EPHB2: variants seen among roughly 807,000 people sequenced by gnomAD.
EPHB2 encodes the protein EPH receptor B2.
In EPHB2, 18 loss-of-function variants were observed where a neutral mutation model predicts 96.4. The observed-to-expected ratio is 0.19, with a 90% confidence interval of 0.13 to 0.28. The LOEUF (loss-of-function observed/expected upper bound fraction) is 0.28. Among genes scored for constraint, EPHB2 ranks in the 10% least tolerant of loss-of-function variants. The pLI is 1.00. For missense variants in EPHB2, 989 were observed against 1,355.4 expected (o/e 0.73, Z 4.25); for synonymous variants, 506 against 534.1 (o/e 0.95, Z 0.72).
intron 1 of EPHB2, among the ~76,000 whole-genome samples, chr1:22,765,731 G>A (rs1644299551): frequency 6.6e-6 from 1 of 151,936 alleles, no homozygotes; most frequent in Admixed American, 6.6e-5. Flanking sequence ...GGCTGCCTCA[G>A]TCTTTCCGTC....
At chr1:22,912,232 G>A (rs766587684) in intron 14 of EPHB2, among the ~76,000 whole-genome samples, 6 of 152,092 alleles carry the variant, frequency 3.9e-5, no homozygotes, top group East Asian at 1.9e-4. Context: ...ACTCACTCTC[G>A]CATGCTCACA....
chr1:22,839,535 G>A (rs1459590105), intron 3 of EPHB2, among the ~76,000 whole-genome samples: 1 of 152,208 alleles, frequency 6.6e-6, no homozygotes. Flanking sequence ...ACAAATCCCT[G>A]TGGGAATTTG....
At chr1:22,861,955 G>A (rs1260935949) in intron 3 of EPHB2, among the ~76,000 whole-genome samples, 1 of 152,204 alleles carries the variant, frequency 6.6e-6, no homozygotes, top group African/African-American at 2.4e-5. Flanking sequence ...ATCCCAAGGA[G>A]ATGAAATGTT....
At chr1:22,834,754 G>C (rs1340977899) in intron 3 of EPHB2, among the ~76,000 whole-genome samples, 2 of 151,554 alleles carry the variant, frequency 1.3e-5, no homozygotes, top group African/African-American at 4.9e-5. Flanking sequence ...GTGAAAGCCT[G>C]TCTCTACCAA....
At chr1:22,807,823 G>A (rs1332458869) in intron 3 of EPHB2, among the ~76,000 whole-genome samples, 2 of 152,200 alleles carry the variant, frequency 1.3e-5, no homozygotes, top group Non-Finnish European at 2.9e-5. Context: ...CTAGCCAAAG[G>A]CCAGGGGCAT....
intron 1 of EPHB2, among the ~76,000 whole-genome samples, chr1:22,755,436 A>T (rs1181255362): frequency 6.6e-6 from 1 of 152,198 alleles, no homozygotes; most frequent in Non-Finnish European, 1.5e-5. Context: ...CTGAGGTCTG[A>T]AGAAAGAAGC....
chr1:22,730,436 G>C lies in EPHB2; in HGVS notation c.61+19393G>C, dbSNP rs573704796. ...TGGACAAGTTGCAGGGGGCAGCATG[G>C]ATTGTCCTGCCCTATGGAGGTTTTA... On this transcript the variant is annotated intron_variant, in intron 1 of 15. Coordinates refer to ENST00000374630, the MANE Select transcript of EPHB2 (RefSeq NM_017449.5). Among the ~76,000 whole-genome samples, 334 of 152,342 alleles carry C rather than the reference G, an allele frequency of 2.2e-3. 2 individuals are homozygous for C. Among genetic ancestry groups the C allele is most frequent in the African/African-American group, 7.6e-3 (314 of 41,570 alleles).
chr1:22,758,688 G>C (rs939824889), intron 1 of EPHB2, among the ~76,000 whole-genome samples: 1 of 151,682 alleles, frequency 6.6e-6, no homozygotes, highest in Admixed American at 6.6e-5. Flanking sequence ...ACCTTTCTAG[G>C]CCTCAGTTTC....
rs1290553142 is a variant in EPHB2, at chr1:22,915,978, TC to T, written c.*2410del. The stretch of plus-strand genomic sequence containing the variant: ...AGCCCATCGTCTGTCACTCACCTGT[TC>T]CGGGAGCCTGAGCTGCAAAGGGAAG... On this transcript the variant is annotated 3_prime_UTR_variant, in exon 16 of 16. Transcript: ENST00000374630. 1.3e-5 allele frequency: 2 copies of T among 152,364 alleles called. No individual in the cohort carries two copies. Among genetic ancestry groups the T allele is most frequent in the African/African-American group, 2.4e-5 (1 of 41,440 alleles). The allele number at this position is 152,364 out of a possible 1,614,324, so 9.4% of individuals were successfully genotyped here. A position where few individuals can be genotyped will look rare whatever the true frequency, so the allele number is the denominator to read the frequency against.
chr1:22,873,215 C>T (rs1638729549), intron 5 of EPHB2, among the ~76,000 whole-genome samples: 1 of 152,206 alleles, frequency 6.6e-6, no homozygotes, highest in South Asian at 2.1e-4. Context: ...GAGGTGCATT[C>T]TTAGGTTTGT....
chr1:22,838,105 C>G (rs969441683), intron 3 of EPHB2, among the ~76,000 whole-genome samples: 4 of 152,096 alleles, frequency 2.6e-5, no homozygotes, highest in Non-Finnish European at 5.9e-5. Context: ...AAACAGAGCC[C>G]GGGGTTTGGC....
At chr1:22,883,181 G>A (rs574761784) in intron 6 of EPHB2, among the ~76,000 whole-genome samples, 3 of 152,332 alleles carry the variant, frequency 2.0e-5, no homozygotes, top group South Asian at 4.1e-4. Flanking sequence ...GACCCCTCGC[G>A]GGGAGCTATG....
At chr1:22,763,884 C>T (rs1557660054) in intron 1 of EPHB2, among the ~76,000 whole-genome samples, 1 of 152,114 alleles carries the variant, frequency 6.6e-6, no homozygotes, top group Non-Finnish European at 1.5e-5. Context: ...TACCTGCATC[C>T]CAGAGCTTGT....
chr1:22,887,209 G>A (rs1385686669), intron 6 of EPHB2, among the ~76,000 whole-genome samples: 1 of 152,102 alleles, frequency 6.6e-6, no homozygotes, highest in Non-Finnish European at 1.5e-5. Flanking sequence ...AGGGGTAGGA[G>A]CAGAACCAAG....
chr1:22,775,066 TCTCA>T, intron 1 of EPHB2: 1 of 690,384 alleles, frequency 1.4e-6, no homozygotes, highest in African/African-American at 1.8e-5. Flanking sequence ...CCCTTGCTAT[TCTCA>T]CACAGGCCCA....
intron 3 of EPHB2, among the ~76,000 whole-genome samples, chr1:22,856,803 C>G (rs1252342057): frequency 6.6e-6 from 1 of 152,150 alleles, no homozygotes; most frequent in East Asian, 1.9e-4. Context: ...TGGAAAGTAC[C>G]TAATGGAATT....
chr1:22,756,189 C>T (rs1644147118), intron 1 of EPHB2, among the ~76,000 whole-genome samples: 1 of 152,126 alleles, frequency 6.6e-6, no homozygotes, highest in African/African-American at 2.4e-5. Context: ...AAGAAGCTTG[C>T]ACTTTCTCCC....
At chr1:22,774,527 A>G in intron 1 of EPHB2, 6 of 984,240 alleles carry the variant, frequency 6.1e-6, no homozygotes, top group African/African-American at 1.7e-5. Flanking sequence ...TTCCAGGCAG[A>G]AAAATCTAGA....
chr1:22,914,300 C>A lies in EPHB2; in HGVS notation c.*730C>A, dbSNP rs1005296205. 4.7e-5 allele frequency: 8 copies of A among 168,842 alleles called. No homozygotes were observed. Among genetic ancestry groups the A allele is most frequent in the Admixed American group, 4.6e-4 (8 of 17,466 alleles). The allele number at this position is 168,842 out of a possible 1,614,324, so 10.5% of individuals were successfully genotyped here. A position where few individuals can be genotyped will look rare whatever the true frequency, so the allele number is the denominator to read the frequency against. On this transcript the variant is annotated 3_prime_UTR_variant, in exon 16 of 16. Transcript: ENST00000374630. ...GTCAGCCTTCCTGAGGATGGGCAAC[C>A]CCCAGGTCTGCAGCTCCAGGTACAT...
Sources: allele counts gnomAD v4.1 joint callset (sites outside exome capture counted in the v4.1 genomes callset), GRCh38; gene constraint gnomAD v4.1.1; transcripts MANE v1.5; gene names NCBI Gene and HGNC (gene_info 2026-07-23, HGNC 2026-07-21).